RAB3C: variants seen among roughly 807,000 people sequenced by gnomAD.
RAB3C encodes ras-related protein Rab-3C.
Under a neutral mutation model 26.4 loss-of-function variants are expected in RAB3C, and 17 were observed. The ratio of observed to expected loss-of-function variants is 0.64; its 90% CI spans 0.44 to 0.97. The LOEUF (loss-of-function observed/expected upper bound fraction) is 0.97. Ranked by LOEUF, RAB3C falls within the 50% of genes least tolerant of loss-of-function variation. The pLI, the probability that RAB3C is intolerant of heterozygous loss-of-function variation, is 0.00. For missense variants in RAB3C, 242 were observed against 281.9 expected (o/e 0.86, Z 1.01); for synonymous variants, 91 against 95.9 (o/e 0.95, Z 0.30).
chr5:58,586,418 A>T (rs1162008049), intron 1 of RAB3C, among the ~76,000 whole-genome samples: 2 of 152,074 alleles, frequency 1.3e-5, no homozygotes, highest in Non-Finnish European at 2.9e-5. Context: ...TATTGATATA[A>T]TTTGAGTCAT....
chr5:58,724,221 C>T (rs1254089662), intron 2 of RAB3C, among the ~76,000 whole-genome samples: 1 of 151,690 alleles, frequency 6.6e-6, no homozygotes, highest in Non-Finnish European at 1.5e-5. Context: ...TTGTGTGCTG[C>T]TCTCTGTGGG....
rs1744145466 is a variant in RAB3C at position 58,852,914 on chromosome 5, T to A, written c.*1563T>A. ...TTCCCATGAAAGTATTGGATGCAAA[T>A]GAAACAGGCATACATCTAAAGATAT... On this transcript the variant is annotated 3_prime_UTR_variant, in exon 5 of 5. Coordinates refer to ENST00000282878, the MANE Select transcript of RAB3C (RefSeq NM_138453.4). The A allele has an allele frequency of 6.6e-6, 1 of 152,130 alleles. No individual in the cohort carries two copies. Among genetic ancestry groups the A allele is most frequent in the African/African-American group, 2.4e-5 (1 of 41,408 alleles). The allele number at this position is 152,130 out of a possible 1,614,324, so 9.4% of individuals were successfully genotyped here.
intron 2 of RAB3C, among the ~76,000 whole-genome samples, chr5:58,655,922 G>GA (rs1747761642): frequency 6.7e-6 from 1 of 148,612 alleles, no homozygotes; most frequent in Non-Finnish European, 1.5e-5. Flanking sequence ...CAGCCTCTCC[G>GA]AGTAGCTGGG....
At chr5:58,627,812 C>T (rs1205751354) in intron 2 of RAB3C, among the ~76,000 whole-genome samples, 1 of 152,116 alleles carries the variant, frequency 6.6e-6, no homozygotes, top group Non-Finnish European at 1.5e-5. Context: ...AAAGCAAGGT[C>T]TCCATCTTGT....
At chr5:58,686,937 A>G (rs542648281) in intron 2 of RAB3C, among the ~76,000 whole-genome samples, 52 of 152,244 alleles carry the variant, frequency 3.4e-4, no homozygotes, top group African/African-American at 1.3e-3. Flanking sequence ...CAACTTTGAT[A>G]CAAGCCCAGT....
At chr5:58,605,099 G>C (rs781023872) in intron 1 of RAB3C, among the ~76,000 whole-genome samples, 17 of 152,146 alleles carry the variant, frequency 1.1e-4, no homozygotes, top group Non-Finnish European at 2.4e-4. Context: ...TCTCCAGTGG[G>C]GTGTGTTTGG....
chr5:58,649,278 C>T (rs1196644697), intron 2 of RAB3C, among the ~76,000 whole-genome samples: 1 of 152,060 alleles, frequency 6.6e-6, no homozygotes, highest in African/African-American at 2.4e-5. Flanking sequence ...GGAATCCCTT[C>T]TGATTAGTTG....
At chr5:58,674,430 C>T (rs764639376) in intron 2 of RAB3C, among the ~76,000 whole-genome samples, 2 of 152,192 alleles carry the variant, frequency 1.3e-5, no homozygotes, top group African/African-American at 4.8e-5. Flanking sequence ...TATAAACCAA[C>T]CAATTTCTAA....
intron 3 of RAB3C, among the ~76,000 whole-genome samples, chr5:58,773,245 T>C (rs529558833): frequency 1.3e-5 from 2 of 152,196 alleles, no homozygotes; most frequent in South Asian, 4.1e-4. Context: ...ATGGAGTACA[T>C]ACTGCTCCTA....
intron 2 of RAB3C, among the ~76,000 whole-genome samples, chr5:58,649,462 A>G (rs1219302132): frequency 6.6e-6 from 1 of 151,872 alleles, no homozygotes. Context: ...GAAGTGCTTC[A>G]TCTTTCCTTG....
intron 3 of RAB3C, among the ~76,000 whole-genome samples, chr5:58,813,372 T>C (rs1388911532): frequency 1.3e-5 from 2 of 151,942 alleles, no homozygotes; most frequent in East Asian, 3.9e-4. Context: ...TGTTCCTTGC[T>C]AACTTAACAG....
At chr5:58,755,479 GAAGT>G (rs1392261988) in intron 3 of RAB3C, among the ~76,000 whole-genome samples, 7 of 152,118 alleles carry the variant, frequency 4.6e-5, no homozygotes, top group Non-Finnish European at 1.0e-4. Context: ...TCTGAATACT[GAAGT>G]GAGTGTACCT....
chr5:58,597,331 AATCATT>A (rs1561260850), intron 1 of RAB3C, among the ~76,000 whole-genome samples: 29 of 78 alleles, frequency 0.37, 5 homozygotes, highest in African/African-American at 0.5. Flanking sequence ...TATATTATAT[AATCATT>A]ATATATAAGC....
chr5:58,634,881 C>T (rs898712182), intron 2 of RAB3C, among the ~76,000 whole-genome samples: 12 of 152,000 alleles, frequency 7.9e-5, no homozygotes, highest in African/African-American at 2.7e-4. Context: ...TGATCCTCTT[C>T]GCAGAAGAAG....
rs182934792 is a variant in RAB3C, at chr5:58,641,368, T to C, written c.252+23498T>C. Among the ~76,000 whole-genome samples, 5 of 152,350 alleles carry C rather than the reference T, an allele frequency of 3.3e-5. No homozygotes were observed. In the East Asian group the frequency reaches 9.6e-4, roughly 29 times the overall value. On this transcript the variant is annotated intron_variant, in intron 2 of 4. Transcript: ENST00000282878. ...GAGAGTGCACAGAAGCCTGCCACCA[T>C]GGTAGCTCCGCCAGTGTGCGTGGTA...
Position 58,709,979 on chromosome 5 carries a change from A to T in RAB3C, c.253-16023A>T, listed in dbSNP as rs952748087. Among the ~76,000 whole-genome samples the T allele has an allele frequency of 5.3e-5, 8 of 152,284 alleles. No individual in the cohort carries two copies. The East Asian group carries it at 1.5e-3, about 29-fold the overall frequency. On this transcript the variant is annotated intron_variant, in intron 2 of 4. Coordinates refer to ENST00000282878, the MANE Select transcript of RAB3C (RefSeq NM_138453.4). ...GTAAAGTTTGATATTGTATAATCTC[A>T]TACAGAAATGTGAGGTCACTAAATT...
At chr5:58,650,496 A>G (rs1372325527) in intron 2 of RAB3C, among the ~76,000 whole-genome samples, 3 of 152,338 alleles carry the variant, frequency 2.0e-5, no homozygotes, top group Admixed American at 2.0e-4. Flanking sequence ...ATTTGCAAGT[A>G]ATACGGTTTA....
At chr5:58,587,922 C>T (rs1166262793) in intron 1 of RAB3C, among the ~76,000 whole-genome samples, 1 of 152,118 alleles carries the variant, frequency 6.6e-6, no homozygotes, top group Non-Finnish European at 1.5e-5. Flanking sequence ...TTCTGTAGAA[C>T]ATGCAGTATG....
chr5:58,655,402 T>C (rs558752700), intron 2 of RAB3C, among the ~76,000 whole-genome samples: 2 of 152,258 alleles, frequency 1.3e-5, no homozygotes, highest in Admixed American at 1.3e-4. Context: ...AATAGCAAAC[T>C]TAAGAAATGG....
Sources: gnomAD v4.1 joint callset for allele counts (sites outside exome capture counted in the v4.1 genomes callset) on GRCh38, gnomAD v4.1.1 for gene constraint, MANE v1.5 for transcripts, NCBI Gene and HGNC (gene_info 2026-07-23, HGNC 2026-07-21) for gene names.